Variants in LVRN observed in about 807,000 individuals in gnomAD.
LVRN encodes aminopeptidase Q.
Under a neutral mutation model 111.4 loss-of-function variants are expected in LVRN, and 99 were observed. That is an observed-to-expected ratio of 0.89 (90% CI 0.76 to 1.05). The LOEUF is 1.05. LVRN is among the 50% of genes least tolerant of loss of function. The probability of loss-of-function intolerance (pLI) is 0.00; values close to 1 mark genes in which losing one functional copy is unlikely to be tolerated. For missense variants in LVRN, 1,414 were observed against 1,206.8 expected, an observed-to-expected ratio of 1.17 and a Z score of -2.54; for synonymous variants, 488 against 449.5, an observed-to-expected ratio of 1.09 and a Z score of -1.08.
chr5:115,992,343 A>G, intron 5 of LVRN, 66 bp downstream of exon 5: 3 of 1,566,236 alleles, frequency 1.9e-6, no homozygotes, highest in East Asian at 4.5e-5. Context: ...CCAAAATAGC[A>G]TAAAAACCCC....
chr5:115,987,162 C>T (rs952691533), intron 3 of LVRN, among the ~76,000 whole-genome samples: 4 of 151,908 alleles, frequency 2.6e-5, no homozygotes, highest in South Asian at 2.1e-4. Flanking sequence ...TCACACAAAA[C>T]GGACAAAACA....
At chr5:115,979,941 G>T (rs964018586) in intron 1 of LVRN, among the ~76,000 whole-genome samples, 2 of 152,120 alleles carry the variant, frequency 1.3e-5, no homozygotes, top group Admixed American at 1.3e-4. Flanking sequence ...GTTGTAGTAG[G>T]TTTATTCTCC....
At chr5:115,984,025 T>C (rs1747785374) in intron 2 of LVRN, among the ~76,000 whole-genome samples, 1 of 152,180 alleles carries the variant, frequency 6.6e-6, no homozygotes, top group African/African-American at 2.4e-5. Flanking sequence ...GGAGGTTGGC[T>C]GCCTCCTGCA....
At chr5:116,017,256 G>A (rs1748620959) in intron 18 of LVRN, among the ~76,000 whole-genome samples, 1 of 152,224 alleles carries the variant, frequency 6.6e-6, no homozygotes, top group Admixed American at 6.5e-5. Flanking sequence ...GAGTGGGAAG[G>A]TAAGTTGAGG....
At chr5:116,023,022 AC>A (rs894527651) in intron 19 of LVRN, among the ~76,000 whole-genome samples, 12 of 152,076 alleles carry the variant, frequency 7.9e-5, no homozygotes, top group African/African-American at 2.9e-4. Flanking sequence ...TTTCAGAAAC[AC>A]TCTACCTTCT....
intron 13 of LVRN, among the ~76,000 whole-genome samples, chr5:116,007,935 C>A (rs1439552916): frequency 3.3e-5 from 5 of 152,162 alleles, no homozygotes; most frequent in Non-Finnish European, 7.3e-5. Context: ...TGAATCATGC[C>A]TGTATAAGGC....
At chr5:115,969,280 G>A (rs567669110) in intron 1 of LVRN, among the ~76,000 whole-genome samples, 14 of 151,764 alleles carry the variant, frequency 9.2e-5, no homozygotes, top group Admixed American at 3.3e-4. Flanking sequence ...TTTTTTTCCT[G>A]TTTTGTACTT....
At chr5:115,963,867 C>G in intron 1 of LVRN, among the ~76,000 whole-genome samples, 1 of 152,186 alleles carries the variant, frequency 6.6e-6, no homozygotes, top group East Asian at 1.9e-4. Flanking sequence ...TTTTAGGTCG[C>G]TGGTACCCCT....
chr5:115,987,163 G>A (rs138473819), intron 3 of LVRN, among the ~76,000 whole-genome samples: 1,792 of 151,900 alleles, frequency 0.012, 9 homozygotes, highest in Non-Finnish European at 0.017. Context: ...CACACAAAAC[G>A]GACAAAACAT....
chr5:116,010,385 A>G (rs1748460020), intron 13 of LVRN: 3 of 357,100 alleles, frequency 8.4e-6, no homozygotes, highest in Non-Finnish European at 1.7e-5. Context: ...CTGTCAGAGC[A>G]TTAGATAGAG....
chr5:115,999,529 T>C (rs1326451405), intron 6 of LVRN, among the ~76,000 whole-genome samples: 1 of 152,216 alleles, frequency 6.6e-6, no homozygotes, highest in Non-Finnish European at 1.5e-5. Context: ...ACTTTGTAAT[T>C]GACTTTTTAA....
Position 116,026,347 on chromosome 5 carries a change from T to C in LVRN, c.*229T>C, listed in dbSNP as rs533488213. The C allele has an allele frequency of 1.3e-4, 73 of 540,896 alleles. No homozygotes were observed. Among genetic ancestry groups the C allele is most frequent in the Non-Finnish European group, 1.9e-4 (58 of 307,958 alleles). 33.5% of individuals were successfully genotyped at this position (540,896 alleles called of 1,614,324 possible). ...TATTTCTGGGAAAGATGTCACTTCA[T>C]GTTGGGTTATAATCCCACAGAATTT... On this transcript the variant is annotated 3_prime_UTR_variant, in exon 20 of 20. Transcript: ENST00000357872.
At chr5:115,967,844 A>G (rs951874201) in intron 1 of LVRN, among the ~76,000 whole-genome samples, 1 of 152,194 alleles carries the variant, frequency 6.6e-6, no homozygotes, top group African/African-American at 2.4e-5. Flanking sequence ...TTTATTTCAG[A>G]AATAGTAAAT....
In LVRN at chr5:115,987,814, T is replaced by C. The variant is rs760118401; in HGVS notation, c.980T>C (p.Ile327Thr). 3.7e-6 allele frequency: 6 copies of C among 1,611,038 alleles called. No individual in the cohort carries two copies. In the Admixed American group the frequency reaches 5.0e-5, roughly 14 times the overall value. ...HVNRTERGKE[I>T]RIWARKDAIA... Reference sequence around the variant, plus strand: ...CACTGCTTAACTGTTTTGATTTAGATACGCATCTGGGCCCGGAAAGATGCA... The same window carrying C: ...CACTGCTTAACTGTTTTGATTTAGACACGCATCTGGGCCCGGAAAGATGCA... The change falls in exon 4 of 20, where the codon ATA (isoleucine) becomes ACA (threonine). Residue 327 changes from isoleucine to threonine, a missense_variant and splice_region_variant. Coordinates refer to ENST00000357872, the MANE Select transcript of LVRN (RefSeq NM_173800.5).
chr5:116,013,741 C>G (rs17138663), intron 15 of LVRN, among the ~76,000 whole-genome samples: 393 of 152,264 alleles, frequency 2.6e-3, no homozygotes, highest in African/African-American at 9.2e-3. Flanking sequence ...GGTTTCTTTA[C>G]CCTGACCGCA....
At chr5:115,979,431 G>A (rs10478266) in intron 1 of LVRN, among the ~76,000 whole-genome samples, 89,700 of 151,824 alleles carry the variant, frequency 0.59, 27,146 homozygotes, top group Non-Finnish European at 0.66. Flanking sequence ...GCTTGGCAAA[G>A]TAATGCTTCC....
chr5:116,027,297 A>G lies in LVRN; in HGVS notation c.*1179A>G, dbSNP rs1236055527. 6.6e-6 allele frequency: 1 copy of G among 152,258 alleles called. No individual in the cohort carries two copies. The highest frequency in any genetic ancestry group is 1.5e-5 in the Non-Finnish European group (1 of 68,044). 9.4% of individuals were successfully genotyped at this position (152,258 alleles called of 1,614,324 possible). Reference sequence around the variant, plus strand: ...CTCAGGGTGATATTTTTAAAGATTAAGGAGTATGACATCAATTAACAGTCT... The same window carrying G: ...CTCAGGGTGATATTTTTAAAGATTAGGGAGTATGACATCAATTAACAGTCT... On this transcript the variant is annotated 3_prime_UTR_variant, in exon 20 of 20. Transcript: ENST00000357872.
intron 15 of LVRN, 113 bp from the exon 16 acceptor site, chr5:116,014,307 T>C: frequency 1.3e-6 from 1 of 746,562 alleles, no homozygotes; most frequent in Non-Finnish European, 2.2e-6. Flanking sequence ...CCTGATGTCA[T>C]TGAAAGGATA....
chr5:115,992,017 T>G (rs1384646659), intron 4 of LVRN, 106 bp from the exon 5 acceptor site: 2 of 1,070,006 alleles, frequency 1.9e-6, no homozygotes, highest in Non-Finnish European at 2.7e-6. Flanking sequence ...TTATAAATAT[T>G]CCCTTGAATT....
Sources: gnomAD v4.1 joint callset for allele counts (sites outside exome capture counted in the v4.1 genomes callset) on GRCh38, gnomAD v4.1.1 for gene constraint, MANE v1.5 for transcripts, NCBI Gene and HGNC (gene_info 2026-07-23, HGNC 2026-07-21) for gene names.